FOXP1: variants seen among roughly 807,000 people sequenced by gnomAD.
FOXP1 encodes forkhead box protein P1.
In FOXP1, 15 loss-of-function variants were observed where a neutral mutation model predicts 98.2. The observed-to-expected ratio is 0.15, with a 90% CI of 0.10 to 0.24. The LOEUF (loss-of-function observed/expected upper bound fraction) is 0.24. FOXP1 is among the 10% of genes least tolerant of loss of function. The pLI is 1.00. For missense variants in FOXP1, 633 were observed against 848.5 expected, an observed-to-expected ratio of 0.75 and a Z score of 3.15; for synonymous variants, 371 against 314.5, an observed-to-expected ratio of 1.18 and a Z score of -1.90.
chr3:71,366,817 C>A lies in FOXP1; in HGVS notation c.-167-7573G>T, dbSNP rs147921868. ...ACATTCCTTAAAGCAACTGAATAGA[C>A]CACCTTACTTTTTAAAAGTCCTCTT... On this transcript the variant is annotated intron_variant, in intron 3 of 20. Coordinates refer to ENST00000649528, the MANE Select transcript of FOXP1 (RefSeq NM_001349338.3). Among the ~76,000 whole-genome samples the A allele has an allele frequency of 1.9e-3, 286 of 152,278 alleles. 2 individuals carry two copies. Among genetic ancestry groups the A allele is most frequent in the African/African-American group, 6.7e-3 (277 of 41,558 alleles).
chr3:71,137,707 C>T (rs938585642), intron 6 of FOXP1, among the ~76,000 whole-genome samples: 2 of 152,132 alleles, frequency 1.3e-5, no homozygotes, highest in African/African-American at 2.4e-5. Context: ...AATTCGCCCA[C>T]CTTCAATAAC....
chr3:70,971,800 T>C (rs1228124727), intron 18 of FOXP1: 3 of 408,806 alleles, frequency 7.3e-6, no homozygotes, highest in African/African-American at 2.1e-5. Context: ...GAACGAATAT[T>C]TGCATTAAAG....
chr3:71,273,214 G>A (rs1400845910), intron 5 of FOXP1, among the ~76,000 whole-genome samples: 1 of 152,182 alleles, frequency 6.6e-6, no homozygotes, highest in African/African-American at 2.4e-5. Context: ...GTGAATTCAA[G>A]TTCAATTTCC....
At chr3:71,098,598 T>C (rs991925572) in intron 7 of FOXP1, among the ~76,000 whole-genome samples, 5 of 152,284 alleles carry the variant, frequency 3.3e-5, no homozygotes, top group African/African-American at 9.6e-5. Context: ...CAGTATCAAT[T>C]TTCCTTTCTT....
chr3:71,462,467 A>C (rs1385613195), intron 3 of FOXP1, among the ~76,000 whole-genome samples: 6 of 152,218 alleles, frequency 3.9e-5, no homozygotes, highest in Non-Finnish European at 5.9e-5. Flanking sequence ...TCAGCCTCAC[A>C]GAATCACGTA....
chr3:71,172,018 TA>T (rs2061678640), intron 6 of FOXP1, among the ~76,000 whole-genome samples: 1 of 152,228 alleles, frequency 6.6e-6, no homozygotes, highest in African/African-American at 2.4e-5. Context: ...AACATTATTA[TA>T]CTAAGGCCAA....
chr3:71,057,216 C>G (rs771548456), intron 7 of FOXP1, among the ~76,000 whole-genome samples: 2 of 136,660 alleles, frequency 1.5e-5, no homozygotes, highest in African/African-American at 5.3e-5. Flanking sequence ...GTATTTAAAA[C>G]AGTCATGTGA....
At chr3:71,540,227 A>T (rs1400919207) in intron 2 of FOXP1, among the ~76,000 whole-genome samples, 1 of 152,250 alleles carries the variant, frequency 6.6e-6, no homozygotes, top group East Asian at 1.9e-4. Flanking sequence ...GTTCAAGACA[A>T]TGTCACTAGA....
intron 13 of FOXP1, among the ~76,000 whole-genome samples, chr3:70,999,835 A>C (rs186630671): frequency 6.6e-6 from 1 of 152,332 alleles, no homozygotes; most frequent in East Asian, 1.9e-4. Context: ...AGGGCTCTCC[A>C]TATATCTCAG....
chr3:71,131,546 C>T (rs975164377), intron 6 of FOXP1, among the ~76,000 whole-genome samples: 7 of 152,066 alleles, frequency 4.6e-5, no homozygotes, highest in Admixed American at 1.3e-4. Context: ...GGTGCTAATA[C>T]TCGGCTAAAA....
intron 2 of FOXP1, chr3:71,543,637 G>A (rs1383266547): frequency 6.6e-6 from 1 of 152,270 alleles, no homozygotes; most frequent in Non-Finnish European, 1.5e-5. Context: ...GCTAGCCGTG[G>A]AGGCACATGT....
chr3:71,263,693 TTAA>T (rs2069372176), intron 5 of FOXP1, among the ~76,000 whole-genome samples: 1 of 152,114 alleles, frequency 6.6e-6, no homozygotes. Context: ...GAAAAATTAC[TTAA>T]TAATAATAAT....
chr3:71,198,432 G>GGGGGGGGGGGGCCCCCCCCCCCCCCCC, intron 5 of FOXP1, 40 bp from the exon 6 acceptor site: 1 of 491,034 alleles, frequency 2.0e-6, no homozygotes, highest in East Asian at 5.7e-5. Context: ...GGGAGGGGGG[G>GGGGGGGGGGGGCCCCCCCCCCCCCCCC]AGAAAAAAAA....
intron 11 of FOXP1, among the ~76,000 whole-genome samples, chr3:71,022,952 C>T (rs2045624270): frequency 6.6e-6 from 1 of 152,176 alleles, no homozygotes; most frequent in Admixed American, 6.5e-5. Flanking sequence ...TTCATCATGG[C>T]TGTGGAGCAG....
chr3:71,405,117 C>T (rs746106994), intron 3 of FOXP1, among the ~76,000 whole-genome samples: 2 of 152,168 alleles, frequency 1.3e-5, no homozygotes, highest in Non-Finnish European at 2.9e-5. Flanking sequence ...GTGGAGGTCT[C>T]CCAAAGACAA....
At chr3:71,577,407 A>T (rs2047807215) in intron 2 of FOXP1, among the ~76,000 whole-genome samples, 1 of 152,038 alleles carries the variant, frequency 6.6e-6, no homozygotes, top group Admixed American at 6.6e-5. Context: ...GCACATGGTC[A>T]CATGCTCATT....
At chr3:71,564,877 G>C (rs2046795643) in intron 2 of FOXP1, among the ~76,000 whole-genome samples, 1 of 152,172 alleles carries the variant, frequency 6.6e-6, no homozygotes, top group South Asian at 2.1e-4. Flanking sequence ...CACTTTGGGA[G>C]GCTGAGGTGG....
intron 4 of FOXP1, among the ~76,000 whole-genome samples, chr3:71,358,646 C>CA (rs1488284316): frequency 1.3e-5 from 2 of 152,168 alleles, no homozygotes; most frequent in Non-Finnish European, 2.9e-5. Flanking sequence ...GAGTGGTACC[C>CA]AGCGAGGTGT....
At chr3:71,223,142 A>T (rs1483236538) in intron 5 of FOXP1, among the ~76,000 whole-genome samples, 1 of 152,120 alleles carries the variant, frequency 6.6e-6, no homozygotes, top group Non-Finnish European at 1.5e-5. Context: ...AAGCTCCCCA[A>T]GCTCCCCCAT....
Sources: allele counts gnomAD v4.1 joint callset (sites outside exome capture counted in the v4.1 genomes callset), GRCh38; gene constraint gnomAD v4.1.1; transcripts MANE v1.5; gene names NCBI Gene and HGNC (gene_info 2026-07-23, HGNC 2026-07-21).